DLG2: variants seen among roughly 807,000 people sequenced by gnomAD.
DLG2 encodes the protein disks large homolog 2.
In DLG2, 45 loss-of-function variants were observed where a neutral mutation model predicts 132.5. The ratio of observed to expected loss-of-function variants is 0.34; its 90% CI spans 0.27 to 0.44. DLG2 has a LOEUF of 0.44. Ranked by LOEUF, DLG2 falls within the 20% of genes least tolerant of loss-of-function variation. The pLI is 1.00. For missense variants in DLG2, 1,045 were observed against 1,196.9 expected (o/e 0.87, Z 1.87); for synonymous variants, 424 against 419.6 (o/e 1.01, Z -0.13).
chr11:84,210,602 T>C (rs1057316185), intron 8 of DLG2, among the ~76,000 whole-genome samples: 1 of 151,698 alleles, frequency 6.6e-6, no homozygotes, highest in Admixed American at 6.6e-5. Flanking sequence ...AACTGAAATG[T>C]CTATTATTGG....
chr11:84,741,887 A>T (rs1448699655), intron 6 of DLG2, among the ~76,000 whole-genome samples: 1 of 152,168 alleles, frequency 6.6e-6, no homozygotes, highest in Non-Finnish European at 1.5e-5. Flanking sequence ...GCTCAGTGAG[A>T]TAGAAGAGAA....
intron 10 of DLG2, among the ~76,000 whole-genome samples, chr11:84,060,399 C>G (rs925530806): frequency 6.6e-6 from 1 of 152,138 alleles, no homozygotes; most frequent in Admixed American, 6.6e-5. Flanking sequence ...ACCCTCCTCT[C>G]CACCTCGATT....
intron 11 of DLG2, among the ~76,000 whole-genome samples, chr11:84,032,117 G>C (rs369817866): frequency 1.3e-5 from 2 of 152,098 alleles, no homozygotes; most frequent in East Asian, 3.9e-4. Context: ...AGACCCCGAG[G>C]CTAAATAATA....
At chr11:84,196,319 G>C (rs1340706264) in intron 8 of DLG2, among the ~76,000 whole-genome samples, 2 of 152,150 alleles carry the variant, frequency 1.3e-5, no homozygotes, top group East Asian at 3.9e-4. Context: ...AGACAGAAAA[G>C]ATTGAACTGG....
rs111463189 is a variant in DLG2 at position 83,791,282 on chromosome 11, T to A, written c.1723-4490A>T. 3.0e-3 allele frequency: 2,023 copies of A among 676,240 alleles called. 46 individuals are homozygous for A. In the African/African-American group the frequency reaches 0.033, roughly 11 times the overall value. 41.9% of individuals were successfully genotyped at this position (676,240 alleles called of 1,614,324 possible). On this transcript the variant is annotated intron_variant, in intron 17 of 27. Coordinates refer to ENST00000376104, the MANE Select transcript of DLG2 (RefSeq NM_001142699.3). ...GAGAAGGTGTCCTCATCGGCAGAGCTCCCAGAGGGTTTGCCCGCCTTGCCT... is the reference window on the plus strand; with the variant it reads ...GAGAAGGTGTCCTCATCGGCAGAGCACCCAGAGGGTTTGCCCGCCTTGCCT...
At chr11:84,994,271 T>G (rs2057422255) in intron 6 of DLG2, among the ~76,000 whole-genome samples, 1 of 152,190 alleles carries the variant, frequency 6.6e-6, no homozygotes, top group Non-Finnish European at 1.5e-5. Flanking sequence ...AGCCACTATT[T>G]TAAATTTTCT....
intron 3 of DLG2, among the ~76,000 whole-genome samples, chr11:85,431,201 G>A (rs931138929): frequency 6.6e-6 from 1 of 152,162 alleles, no homozygotes; most frequent in Non-Finnish European, 1.5e-5. Context: ...TCCTGCACCA[G>A]CAGCTGAGGT....
chr11:84,871,638 C>T (rs1316663669), intron 6 of DLG2, among the ~76,000 whole-genome samples: 1 of 151,768 alleles, frequency 6.6e-6, no homozygotes, highest in East Asian at 1.9e-4. Flanking sequence ...TGGGTATAAA[C>T]ATTACTGGTG....
intron 15 of DLG2, among the ~76,000 whole-genome samples, chr11:83,876,999 A>C (rs2064941126): frequency 6.6e-6 from 1 of 152,140 alleles, no homozygotes; most frequent in South Asian, 2.1e-4. Flanking sequence ...TGCAATGAAC[A>C]TGTTGATATC....
intron 7 of DLG2, among the ~76,000 whole-genome samples, chr11:84,528,569 A>G (rs1020442381): frequency 6.6e-6 from 1 of 152,240 alleles, no homozygotes; most frequent in Non-Finnish European, 1.5e-5. Context: ...GGCATGCCAT[A>G]TGTAAATTCT....
At chr11:84,733,554 T>C (rs1005179128) in intron 6 of DLG2, among the ~76,000 whole-genome samples, 8 of 152,158 alleles carry the variant, frequency 5.3e-5, no homozygotes, top group African/African-American at 1.9e-4. Context: ...GTCAGATGAG[T>C]AGATTGCAAA....
At chr11:85,334,408 T>A (rs2081987265) in intron 3 of DLG2, among the ~76,000 whole-genome samples, 2 of 152,150 alleles carry the variant, frequency 1.3e-5, no homozygotes, top group Admixed American at 6.5e-5. Flanking sequence ...ATATTTTGTA[T>A]AAATTTTCAT....
At chr11:84,694,309 T>TA (rs2058381959) in intron 6 of DLG2, among the ~76,000 whole-genome samples, 1 of 151,604 alleles carries the variant, frequency 6.6e-6, no homozygotes, top group African/African-American at 2.4e-5. Context: ...ATTGCATATA[T>TA]AAAAGAAAAT....
chr11:83,973,466 T>C (rs375957990), intron 12 of DLG2, among the ~76,000 whole-genome samples: 2 of 152,222 alleles, frequency 1.3e-5, no homozygotes, highest in South Asian at 2.1e-4. Flanking sequence ...TCCTGTTGTT[T>C]CAGAAGTGAC....
chr11:85,068,924 A>G (rs1287505112), intron 6 of DLG2, among the ~76,000 whole-genome samples: 1 of 152,202 alleles, frequency 6.6e-6, no homozygotes, highest in African/African-American at 2.4e-5. Flanking sequence ...ACAGTAACCA[A>G]AACAGCATGG....
At chr11:84,235,488 G>A (rs2097146607) in intron 8 of DLG2, among the ~76,000 whole-genome samples, 2 of 152,100 alleles carry the variant, frequency 1.3e-5, no homozygotes, top group Non-Finnish European at 2.9e-5. Context: ...AGGTTGCAGT[G>A]AGACATGATA....
chr11:85,608,304 G>C (rs2080735949), intron 2 of DLG2, among the ~76,000 whole-genome samples: 1 of 152,100 alleles, frequency 6.6e-6, no homozygotes, highest in South Asian at 2.1e-4. Flanking sequence ...CCCTGAAAAA[G>C]AGGTGGCTCA....
At chr11:85,318,662 G>A (rs1387887509) in intron 3 of DLG2, among the ~76,000 whole-genome samples, 2 of 151,604 alleles carry the variant, frequency 1.3e-5, no homozygotes, top group Non-Finnish European at 3.0e-5. Flanking sequence ...GAGGAATTAG[G>A]GAGGAAACAA....
At chr11:83,900,729 C>A (rs182124849) in intron 15 of DLG2, among the ~76,000 whole-genome samples, 48 of 152,264 alleles carry the variant, frequency 3.2e-4, no homozygotes, top group Admixed American at 2.9e-3. Context: ...TCATGGAGAA[C>A]CTCTGTTAGG....
Sources: gnomAD v4.1 joint callset for allele counts (sites outside exome capture counted in the v4.1 genomes callset) on GRCh38, gnomAD v4.1.1 for gene constraint, MANE v1.5 for transcripts, NCBI Gene and HGNC (gene_info 2026-07-23, HGNC 2026-07-21) for gene names.